FMN1: variants seen among roughly 807,000 people sequenced by gnomAD.
FMN1 encodes formin 1.
Under a neutral mutation model 132.4 loss-of-function variants are expected in FMN1, and 110 were observed. That is an observed-to-expected ratio of 0.83 (90% CI 0.71 to 0.97). The LOEUF is 0.97. Among genes scored for constraint, FMN1 ranks in the 50% least tolerant of loss-of-function variants. The probability of loss-of-function intolerance (pLI) is 0.00; values close to 1 mark genes in which losing one functional copy is unlikely to be tolerated. For synonymous variants in FMN1, 722 were observed against 651.7 expected, an observed-to-expected ratio of 1.11 and a Z score of -1.64; for missense variants, 1,792 against 1,705.3, an observed-to-expected ratio of 1.05 and a Z score of -0.90.
intron 16 of FMN1, among the ~76,000 whole-genome samples, chr15:32,857,455 C>T (rs1008151309): frequency 2.0e-5 from 3 of 152,100 alleles, no homozygotes; most frequent in African/African-American, 7.2e-5. Context: ...GAGGATTAGT[C>T]TCACGAAATT....
At chr15:32,989,832 G>A (rs943929718) in intron 7 of FMN1, among the ~76,000 whole-genome samples, 4 of 152,192 alleles carry the variant, frequency 2.6e-5, no homozygotes, top group Non-Finnish European at 5.9e-5. Flanking sequence ...ATGTGAAGCA[G>A]AGGGTGCAGG....
intron 7 of FMN1, among the ~76,000 whole-genome samples, chr15:32,991,366 C>T (rs1451603670): frequency 1.3e-5 from 2 of 152,196 alleles, no homozygotes; most frequent in Admixed American, 6.5e-5. Flanking sequence ...CTGTTTCCTG[C>T]ACCATCTACA....
At position 33,092,454 on chromosome 15, in the gene FMN1, T is replaced by C. The variant is rs370980062; in HGVS notation, c.1868-3480A>G. On this transcript the variant is annotated intron_variant, in intron 4 of 20. Transcript: ENST00000616417. ...CCTGCCACGTGACTTCCTTTGGCCA[T>C]CTGAATGTAAACAATGTGACAGTGT... Among the ~76,000 whole-genome samples the C allele has an allele frequency of 3.3e-5, 5 of 152,274 alleles. No homozygotes were observed. In the South Asian group the frequency reaches 1.0e-3, roughly 32 times the overall value.
intron 19 of FMN1, among the ~76,000 whole-genome samples, chr15:32,797,852 T>A (rs2057339784): frequency 6.6e-6 from 1 of 152,132 alleles, no homozygotes; most frequent in Non-Finnish European, 1.5e-5. Flanking sequence ...TGTCTAGAAA[T>A]ATATTATGTA....
At chr15:33,160,266 AG>A (rs1964836215) in intron 3 of FMN1, among the ~76,000 whole-genome samples, 1 of 152,156 alleles carries the variant, frequency 6.6e-6, no homozygotes, top group Admixed American at 6.5e-5. Flanking sequence ...ACACTGCAAA[AG>A]CTTTGAAAAT....
intron 9 of FMN1, among the ~76,000 whole-genome samples, chr15:32,962,918 T>C (rs2030747035): frequency 1.4e-5 from 2 of 146,376 alleles, no homozygotes; most frequent in Non-Finnish European, 3.0e-5. Context: ...GTTCAACCAT[T>C]GTGGAAGTCA....
intron 10 of FMN1, among the ~76,000 whole-genome samples, chr15:32,920,337 G>A (rs932355254): frequency 2.0e-5 from 3 of 152,134 alleles, no homozygotes; most frequent in African/African-American, 7.2e-5. Context: ...TACTTATTCA[G>A]AGTCTCTCCT....
chr15:32,986,856 A>G (rs990731835), intron 7 of FMN1, among the ~76,000 whole-genome samples: 5 of 152,140 alleles, frequency 3.3e-5, no homozygotes, highest in Non-Finnish European at 7.4e-5. Flanking sequence ...GTGCTTTTTG[A>G]AAGAATAATT....
intron 2 of FMN1, among the ~76,000 whole-genome samples, chr15:33,192,012 GA>G (rs1166186093): frequency 1.3e-5 from 2 of 152,170 alleles, no homozygotes; most frequent in African/African-American, 4.8e-5. Context: ...AAGAGATTAT[GA>G]ATAGCCCCTA....
At chr15:33,041,676 C>G (rs528856079) in intron 6 of FMN1, among the ~76,000 whole-genome samples, 8 of 151,658 alleles carry the variant, frequency 5.3e-5, no homozygotes, top group African/African-American at 1.9e-4. Context: ...ATCTCATACC[C>G]ATTAAAACGG....
At chr15:32,849,366 A>G (rs1325917456) in intron 17 of FMN1, among the ~76,000 whole-genome samples, 2 of 152,082 alleles carry the variant, frequency 1.3e-5, no homozygotes, top group Non-Finnish European at 2.9e-5. Context: ...CTGAATGATA[A>G]AATAATATAC....
intron 2 of FMN1, among the ~76,000 whole-genome samples, chr15:33,185,568 A>ATTTTTTTTTTTTTTTTTTT (rs57232200): frequency 1.1e-4 from 12 of 113,402 alleles, no homozygotes; most frequent in African/African-American, 4.6e-4. Flanking sequence ...TAAAGTAAGA[A>ATTTTTTTTTTTTTTTTTTT]TTTTTTTTTT....
intron 9 of FMN1, among the ~76,000 whole-genome samples, chr15:32,960,723 C>T (rs769273697): frequency 3.3e-5 from 5 of 152,064 alleles, no homozygotes; most frequent in South Asian, 2.1e-4. Context: ...TAGCCTGGCA[C>T]GGTGGCTCAC....
At position 32,998,971 on chromosome 15, in the gene FMN1, G is replaced by A. The variant is rs75085646; in HGVS notation, c.2223+9043C>T. Among the ~76,000 whole-genome samples, 1,198 of 152,242 alleles carry A rather than the reference G, an allele frequency of 7.9e-3. 99 individuals carry two copies. In the East Asian group the frequency reaches 0.21, roughly 26 times the overall value. On this transcript the variant is annotated intron_variant, in intron 7 of 20. Coordinates refer to ENST00000616417, the MANE Select transcript of FMN1 (RefSeq NM_001277313.2). ...TCCAAATGTACCTACCGGATTCTAG[G>A]TAGCCAGTCGCCCAAGAGGAATCTC... is the stretch of plus-strand genomic sequence containing the variant.
At chr15:33,057,128 G>T (rs2037253129) in intron 6 of FMN1, among the ~76,000 whole-genome samples, 1 of 152,202 alleles carries the variant, frequency 6.6e-6, no homozygotes, top group Non-Finnish European at 1.5e-5. Context: ...AGTGAGCTGA[G>T]ATGGCACCAC....
chr15:32,774,140 C>G lies in FMN1; in HGVS notation c.*170G>C, dbSNP rs989104363. On this transcript the variant is annotated 3_prime_UTR_variant, in exon 21 of 21. Coordinates refer to ENST00000616417, the MANE Select transcript of FMN1 (RefSeq NM_001277313.2). ...ATTGTTCCTGCGGCTTAATGAGGGA[C>G]TTCTTAAAGAAGGCATGGGGCACTC... 4.8e-6 allele frequency: 3 copies of G among 620,266 alleles called. No individual in the cohort carries two copies. Among genetic ancestry groups the G allele is most frequent in the Admixed American group, 3.6e-5 (1 of 28,026 alleles). The allele number at this position is 620,266 out of a possible 1,614,324, so 38.4% of individuals were successfully genotyped here.
intron 6 of FMN1, among the ~76,000 whole-genome samples, chr15:33,043,625 G>C (rs1399766540): frequency 6.6e-6 from 1 of 152,230 alleles, no homozygotes; most frequent in African/African-American, 2.4e-5. Flanking sequence ...GGGATAAAAA[G>C]TGGCACCCAG....
intron 7 of FMN1, among the ~76,000 whole-genome samples, chr15:32,983,925 A>G (rs961035162): frequency 1.8e-4 from 27 of 152,322 alleles, no homozygotes; most frequent in African/African-American, 6.5e-4. Flanking sequence ...TCATTCTTAC[A>G]TTGCAGCTAC....
At chr15:33,109,052 C>T (rs879469743) in intron 4 of FMN1, among the ~76,000 whole-genome samples, 339 of 152,178 alleles carry the variant, frequency 2.2e-3, no homozygotes, top group Non-Finnish European at 3.9e-3. Flanking sequence ...GCAAACTTGT[C>T]ATAACTTTAC....
Sources: gnomAD v4.1 joint callset for allele counts (sites outside exome capture counted in the v4.1 genomes callset) on GRCh38, gnomAD v4.1.1 for gene constraint, MANE v1.5 for transcripts, NCBI Gene and HGNC (gene_info 2026-07-23, HGNC 2026-07-21) for gene names.